The following COL21A1 variants were observed in gnomAD, a reference collection of about 807,000 sequenced individuals.
COL21A1 encodes the protein collagen alpha-1(XXI) chain.
In COL21A1, 149 loss-of-function variants were observed where a neutral mutation model predicts 137.9. The observed-to-expected ratio is 1.08, with a 90% confidence interval of 0.95 to 1.24. COL21A1 has a LOEUF of 1.24. Among genes scored for constraint, COL21A1 ranks in the 50% most tolerant of loss-of-function variants. COL21A1 has a pLI of 0.00. For missense variants in COL21A1, 1,167 were observed against 1,158.4 expected (o/e 1.01, Z -0.11); for synonymous variants, 456 against 391.5 (o/e 1.16, Z -1.95).
chr6:56,210,067 T>C (rs1323564637), intron 1 of COL21A1, among the ~76,000 whole-genome samples: 4 of 150,272 alleles, frequency 2.7e-5, no homozygotes, highest in Admixed American at 2.6e-4. Flanking sequence ...TGAGAGCACC[T>C]GGACTCAGGT....
rs116945761 is a variant in COL21A1 at position 56,172,058 on chromosome 6, T to C, written c.641-930A>G. On this transcript the variant is annotated intron_variant, in intron 3 of 29. Transcript: ENST00000244728. ...ATCAAGCATACCAATATATGCATTT[T>C]GCGAGTTCCAGAAAAAAAAAAAAGA... 3.5e-3 allele frequency among the ~76,000 whole-genome samples: 426 copies of C among 123,260 alleles called. 13 individuals are homozygous for C. The East Asian group carries it at 0.043, about 13-fold the overall frequency. 80.9% of individuals were successfully genotyped at this position (123,260 alleles called of 152,430 possible). A position where few individuals can be genotyped will look rare whatever the true frequency, so the allele number is the denominator to read the frequency against.
At chr6:56,139,851 T>C (rs1419997518) in intron 12 of COL21A1, among the ~76,000 whole-genome samples, 1 of 152,066 alleles carries the variant, frequency 6.6e-6, no homozygotes, top group Non-Finnish European at 1.5e-5. Context: ...AATGGGAAAG[T>C]GAGGCTTTGA....
chr6:56,305,255 G>A (rs917383311), intron 1 of COL21A1, among the ~76,000 whole-genome samples: 1 of 152,112 alleles, frequency 6.6e-6, no homozygotes, highest in African/African-American at 2.4e-5. Flanking sequence ...AGGTCTGCTT[G>A]GTGTAGAGCT....
intron 1 of COL21A1, among the ~76,000 whole-genome samples, chr6:56,232,808 GAAGT>G (rs1250275816): frequency 2.8e-4 from 43 of 151,894 alleles, no homozygotes; most frequent in African/African-American, 8.9e-4. Flanking sequence ...CTACATAGTA[GAAGT>G]AATAAAGCAG....
chr6:56,279,263 G>C (rs1763740573), intron 1 of COL21A1, among the ~76,000 whole-genome samples: 1 of 152,068 alleles, frequency 6.6e-6, no homozygotes, highest in African/African-American at 2.4e-5. Context: ...GTTTTCTGAG[G>C]CCTCCCCAGA....
chr6:56,298,765 A>G (rs1764215930), intron 1 of COL21A1, among the ~76,000 whole-genome samples: 1 of 152,140 alleles, frequency 6.6e-6, no homozygotes, highest in South Asian at 2.1e-4. Context: ...ATCAACAGCA[A>G]CAGCAACAGA....
chr6:56,195,951 C>CA (rs1355206145), intron 1 of COL21A1, among the ~76,000 whole-genome samples: 1 of 152,064 alleles, frequency 6.6e-6, no homozygotes, highest in African/African-American at 2.4e-5. Context: ...CCCTGATGAA[C>CA]ATGGATGTAA....
In COL21A1 at chr6:56,326,709, C is replaced by T. The variant is rs372749691; in HGVS notation, c.-39+67262G>A. 2.6e-3 allele frequency among the ~76,000 whole-genome samples: 390 copies of T among 152,036 alleles called. 1 individual carries two copies. The highest frequency in any genetic ancestry group is 9.0e-3 in the African/African-American group (374 of 41,512). On this transcript the variant is annotated intron_variant, in intron 1 of 28. Transcript: ENST00000370819. ...AAACATTAATTTTTAGCAAAGTGAC[C>T]ATTTTGATTAGGTTAGGAAGGAAAT...
rs112681847 is a variant in COL21A1, at chr6:56,205,098, C to T, written c.-38-22442G>A. 8.1e-3 allele frequency among the ~76,000 whole-genome samples: 1,239 copies of T among 152,162 alleles called. 12 individuals are homozygous for T. The highest frequency in any genetic ancestry group is 0.029 in the African/African-American group (1,185 of 41,510). ...TCTTCTCCTCCAAAGGATCACAACT[C>T]GCTAGCAAGGGAACAAAACAGTACA... On this transcript the variant is annotated intron_variant, in intron 1 of 29. Coordinates refer to ENST00000244728, the MANE Select transcript of COL21A1 (RefSeq NM_030820.4).
intron 17 of COL21A1, among the ~76,000 whole-genome samples, chr6:56,095,165 C>T (rs1370089208): frequency 6.6e-6 from 1 of 152,008 alleles, no homozygotes; most frequent in Non-Finnish European, 1.5e-5. Flanking sequence ...AAAATATAGA[C>T]CTTCTCTTTA....
chr6:56,276,644 AAACACGT>A (rs1194037913), intron 1 of COL21A1: 1 of 1,443,992 alleles, frequency 6.9e-7, no homozygotes, highest in Non-Finnish European at 9.7e-7. Flanking sequence ...AATTTCTGGA[AAACACGT>A]GTCACTTTCA....
rs751725751 is a variant in COL21A1, at chr6:56,210,664, G to A, written c.-38-28008C>T. 2.6e-4 allele frequency among the ~76,000 whole-genome samples: 40 copies of A among 152,086 alleles called. 1 individual carries two copies. Among genetic ancestry groups the A allele is most frequent in the Middle Eastern group, 3.2e-3 (1 of 316 alleles). On this transcript the variant is annotated intron_variant, in intron 1 of 29. Transcript: ENST00000244728. ...TCCTCCAAACAAGATATAATAGGAG[G>A]AGCACATCACCCTCTTCTGTGAATG...
At chr6:56,183,129 T>TC (rs1194302162) in intron 1 of COL21A1, among the ~76,000 whole-genome samples, 1 of 152,224 alleles carries the variant, frequency 6.6e-6, no homozygotes. Context: ...TAAGACCTGT[T>TC]TTATTTAATT....
At chr6:56,092,071 A>C (rs1768868537) in intron 17 of COL21A1, among the ~76,000 whole-genome samples, 1 of 152,166 alleles carries the variant, frequency 6.6e-6, no homozygotes, top group African/African-American at 2.4e-5. Context: ...ATAAAAACCA[A>C]AATGTAGTCT....
At chr6:56,255,290 A>G (rs958383600) in intron 1 of COL21A1, among the ~76,000 whole-genome samples, 2 of 151,240 alleles carry the variant, frequency 1.3e-5, no homozygotes, top group African/African-American at 4.9e-5. Flanking sequence ...TGGGTATAAA[A>G]TCTTTTTTTC....
intron 18 of COL21A1, among the ~76,000 whole-genome samples, chr6:56,076,300 G>C (rs1466347552): frequency 6.6e-6 from 1 of 151,432 alleles, no homozygotes; most frequent in Non-Finnish European, 1.5e-5. Context: ...TCATTTCCTA[G>C]TTAGGCTGAC....
At chr6:56,378,700 T>C (rs1160465126) in intron 1 of COL21A1, among the ~76,000 whole-genome samples, 2 of 152,190 alleles carry the variant, frequency 1.3e-5, no homozygotes, top group East Asian at 3.9e-4. Flanking sequence ...TGCCACTTGC[T>C]GATTATAGAG....
At chr6:56,274,159 T>G (rs1763588571) in intron 1 of COL21A1, among the ~76,000 whole-genome samples, 1 of 152,128 alleles carries the variant, frequency 6.6e-6, no homozygotes, top group African/African-American at 2.4e-5. Flanking sequence ...TTCAATAAAA[T>G]CCAACATCCC....
At chr6:56,148,543 G>A (rs1002152229) in intron 10 of COL21A1, among the ~76,000 whole-genome samples, 22 of 152,228 alleles carry the variant, frequency 1.4e-4, no homozygotes, top group African/African-American at 5.3e-4. Flanking sequence ...TTAATCAGCT[G>A]TATCCCATTT....
Sources: allele counts gnomAD v4.1 joint callset (sites outside exome capture counted in the v4.1 genomes callset), GRCh38; gene constraint gnomAD v4.1.1; transcripts MANE v1.5; gene names NCBI Gene and HGNC (gene_info 2026-07-23, HGNC 2026-07-21).